The following UGT1A6 variants were observed in gnomAD, a reference collection of about 807,000 sequenced individuals.
UGT1A6 encodes UDP-glucuronosyltransferase 1A6.
In UGT1A6, 32 loss-of-function variants were observed where a neutral mutation model predicts 44.4. That is an observed-to-expected ratio of 0.72 (90% CI 0.54 to 0.97). The LOEUF (loss-of-function observed/expected upper bound fraction) is 0.97. Ranked by LOEUF, UGT1A6 falls within the 50% of genes least tolerant of loss-of-function variation. UGT1A6 has a pLI of 0.00. For missense variants in UGT1A6, 685 were observed against 661.9 expected (o/e 1.03, Z -0.38); for synonymous variants, 238 against 248.5 (o/e 0.96, Z 0.40).
At chr2:233,744,167 C>T (rs571958396) in intron 1 of UGT1A6, among the ~76,000 whole-genome samples, 8 of 151,954 alleles carry the variant, frequency 5.3e-5, no homozygotes, top group South Asian at 4.1e-4. Flanking sequence ...CCGCCCACTC[C>T]GGCCTCCAAC....
intron 1 of UGT1A6, among the ~76,000 whole-genome samples, chr2:233,761,361 C>T (rs1202698678): frequency 6.6e-6 from 1 of 152,198 alleles, no homozygotes; most frequent in African/African-American, 2.4e-5. Context: ...GGAAAGCATT[C>T]CTTGGACATT....
intron 1 of UGT1A6, among the ~76,000 whole-genome samples, chr2:233,705,628 G>T (rs1440329298): frequency 6.6e-6 from 1 of 152,194 alleles, no homozygotes; most frequent in Non-Finnish European, 1.5e-5. Context: ...TGAGTTGACA[G>T]TTCTAGGAAG....
In UGT1A6 at chr2:233,712,082, T is replaced by C. The variant is rs1559358101; in HGVS notation, c.861+18217T>C. Among the ~76,000 whole-genome samples the C allele has an allele frequency of 2.0e-5, 3 of 152,248 alleles. No homozygotes were observed. In the South Asian group the frequency reaches 6.2e-4, roughly 32 times the overall value. Reference sequence around the variant, plus strand: ...TAATCTTCAGGATGAAATAAAGGCCTGGATGAATGGACACTTCAGTCTCTA... The same window carrying C: ...TAATCTTCAGGATGAAATAAAGGCCCGGATGAATGGACACTTCAGTCTCTA... On this transcript the variant is annotated intron_variant, in intron 1 of 4. Coordinates refer to ENST00000305139, the MANE Select transcript of UGT1A6 (RefSeq NM_001072.4).
chr2:233,751,853 G>A (rs1265924436), intron 1 of UGT1A6, among the ~76,000 whole-genome samples: 1 of 152,032 alleles, frequency 6.6e-6, no homozygotes, highest in Admixed American at 6.5e-5. Context: ...TTAAACCTTT[G>A]TCTTTTATAA....
intron 1 of UGT1A6, among the ~76,000 whole-genome samples, chr2:233,720,689 A>G (rs964540844): frequency 1.3e-5 from 2 of 151,520 alleles, no homozygotes; most frequent in Non-Finnish European, 2.9e-5. Flanking sequence ...TTCTAAATCC[A>G]TTAAGGGAGC....
At position 233,693,115 on chromosome 2, in the gene UGT1A6, C is replaced by A; in HGVS notation, c.111C>A (p.Ser37Arg). 1 of 1,614,176 alleles carries A rather than the reference C, an allele frequency of 6.2e-7. No homozygotes were observed. Among genetic ancestry groups the A allele is most frequent in the Non-Finnish European group, 8.5e-7 (1 of 1,180,028 alleles). ...DKLLVVPQDG[S>R]HWLSMKDIVE... Reference sequence around the variant, plus strand: ...TGCTGGTGGTCCCTCAGGACGGAAGCCACTGGCTTAGTATGAAGGATATAG... The same window carrying A: ...TGCTGGTGGTCCCTCAGGACGGAAGACACTGGCTTAGTATGAAGGATATAG... The change falls in exon 1 of 5, where the codon AGC (serine) becomes AGA (arginine). Residue 37 changes from serine to arginine, a missense_variant. Physicochemically the swap from Ser to Arg is moderately radical, Grantham distance 110. Transcript: ENST00000305139.
At chr2:233,755,290 G>C in intron 1 of UGT1A6, 1 of 652,954 alleles carries the variant, frequency 1.5e-6, no homozygotes, top group Admixed American at 2.9e-5. Context: ...CAAAGAGCCT[G>C]CGGGGCACTG....
intron 1 of UGT1A6, among the ~76,000 whole-genome samples, chr2:233,710,566 G>C (rs1422927830): frequency 6.6e-6 from 1 of 152,066 alleles, no homozygotes; most frequent in Admixed American, 6.5e-5. Flanking sequence ...CTTTTAAAAG[G>C]TGCCCTTTCA....
At chr2:233,766,576 G>A (rs983735374) in intron 1 of UGT1A6, among the ~76,000 whole-genome samples, 1 of 152,162 alleles carries the variant, frequency 6.6e-6, no homozygotes, top group Non-Finnish European at 1.5e-5. Flanking sequence ...GCACAGGTCT[G>A]GGGGTGGAGC....
chr2:233,738,766 T>G (rs1690890490), intron 1 of UGT1A6, among the ~76,000 whole-genome samples: 1 of 152,128 alleles, frequency 6.6e-6, no homozygotes, highest in Non-Finnish European at 1.5e-5. Context: ...AAAACCCATT[T>G]TATGGGGAGA....
In UGT1A6 at chr2:233,742,835, A is replaced by G. The variant is rs1692114452; in HGVS notation, c.862-24199A>G. 10 of 157,840 alleles carry G rather than the reference A, an allele frequency of 6.3e-5. No individual in the cohort carries two copies. In the South Asian group the frequency reaches 1.7e-3, roughly 27 times the overall value. 9.8% of individuals were successfully genotyped at this position (157,840 alleles called of 1,614,324 possible). A position where few individuals can be genotyped will look rare whatever the true frequency, so the allele number is the denominator to read the frequency against. ...TATTATTTGTAGATTTCACCACTAC[A>G]CACTAAACAATAAAGTCAAATGATT... On this transcript the variant is annotated intron_variant, in intron 1 of 4. Coordinates refer to ENST00000305139, the MANE Select transcript of UGT1A6 (RefSeq NM_001072.4).
At chr2:233,718,649 C>G (rs1013351620) in intron 1 of UGT1A6, 2 of 1,502,938 alleles carry the variant, frequency 1.3e-6, no homozygotes, top group South Asian at 1.3e-5. Context: ...GGGCCCATAA[C>G]GAAAGGCAGT....
rs758507310 is a variant in UGT1A6, at chr2:233,693,073, G to T, written c.69G>T (p.Met23Ile). 2 of 1,614,188 alleles carry T rather than the reference G, an allele frequency of 1.2e-6. No individual in the cohort carries two copies. Among genetic ancestry groups the T allele is most frequent in the Non-Finnish European group, 1.7e-6 (2 of 1,180,040 alleles). Reference protein sequence around the residue: ...AGVFFLALWGMVVGDKLLVVP... With the variant: ...AGVFFLALWGIVVGDKLLVVP... ...TTTTCTTCTTAGCACTTTGGGGCATGGTTGTAGGTGACAAGCTGCTGGTGG... is the reference window on the plus strand; with the variant it reads ...TTTTCTTCTTAGCACTTTGGGGCATTGTTGTAGGTGACAAGCTGCTGGTGG... Residue 23 changes from methionine (M) to isoleucine (I), a missense_variant, in exon 1 of 5, where the codon ATG (methionine) becomes ATT (isoleucine). Coordinates refer to ENST00000305139, the MANE Select transcript of UGT1A6 (RefSeq NM_001072.4).
At chr2:233,726,995 G>T (rs1214460784) in intron 1 of UGT1A6, among the ~76,000 whole-genome samples, 3 of 152,034 alleles carry the variant, frequency 2.0e-5, no homozygotes, top group African/African-American at 4.8e-5. Flanking sequence ...GTTCTTTCTA[G>T]CAAAGTTTTA....
At chr2:233,705,174 G>A (rs1273957812) in intron 1 of UGT1A6, among the ~76,000 whole-genome samples, 1 of 151,752 alleles carries the variant, frequency 6.6e-6, no homozygotes, top group African/African-American at 2.4e-5. Flanking sequence ...GAATAAAGGG[G>A]AAGTATGCAT....
intron 1 of UGT1A6, among the ~76,000 whole-genome samples, chr2:233,716,034 G>A (rs1575511735): frequency 6.6e-6 from 1 of 152,264 alleles, no homozygotes; most frequent in Non-Finnish European, 1.5e-5. Context: ...TTTGATGTCA[G>A]CATTCTGATT....
intron 1 of UGT1A6, among the ~76,000 whole-genome samples, chr2:233,726,972 A>C (rs1406069474): frequency 6.6e-6 from 1 of 152,130 alleles, no homozygotes; most frequent in Admixed American, 6.5e-5. Flanking sequence ...CAAAAGTTTT[A>C]GATTTTGATG....
chr2:233,692,879 C>G, upstream of UGT1A6: 1 of 1,498,994 alleles, frequency 6.7e-7, no homozygotes, highest in African/African-American at 1.4e-5. Flanking sequence ...GGGTAAAATT[C>G]AGAGCAAGGG....
chr2:233,693,313 A>G lies in UGT1A6; in HGVS notation c.309A>G (p.Ser103=), dbSNP rs370458841. ...GAAACAATCACTTTGCTGAGCGATC[A>G]TTCCTAACTGCTCCTCAGACAGAGT... The part of the protein sequence containing the change: ...SFGNNHFAER[S]FLTAPQTEYR... The change falls in exon 1 of 5, where the codon TCA becomes TCG. Residue 103 remains serine (S), a synonymous_variant. Coordinates refer to ENST00000305139, the MANE Select transcript of UGT1A6 (RefSeq NM_001072.4). 16 of 1,614,100 alleles carry G rather than the reference A, an allele frequency of 9.9e-6. No individual in the cohort carries two copies. The highest frequency in any genetic ancestry group is 1.4e-5 in the Non-Finnish European group (16 of 1,180,052).
Sources: allele counts gnomAD v4.1 joint callset (sites outside exome capture counted in the v4.1 genomes callset), GRCh38; gene constraint gnomAD v4.1.1; transcripts MANE v1.5; gene names NCBI Gene and HGNC (gene_info 2026-07-23, HGNC 2026-07-21).